The following TG variants were observed in gnomAD, a reference collection of about 807,000 sequenced individuals.
TG encodes the protein thyroid hormones.
In TG, 270 loss-of-function variants were observed where a neutral mutation model predicts 324.7. The ratio of observed to expected loss-of-function variants is 0.83; its 90% CI spans 0.75 to 0.92. TG has a LOEUF of 0.92. Ranked by LOEUF, TG falls within the 40% of genes least tolerant of loss-of-function variation. The pLI, the probability that TG is intolerant of heterozygous loss-of-function variation, is 0.00. For missense variants in TG, 3,591 were observed against 3,456.4 expected (o/e 1.04, Z -0.98); for synonymous variants, 1,401 against 1,327.0 (o/e 1.06, Z -1.21).
chr8:132,880,522 G>C (rs1049432207), intron 5 of TG, among the ~76,000 whole-genome samples: 10 of 152,224 alleles, frequency 6.6e-5, no homozygotes, highest in South Asian at 6.2e-4. Context: ...TATGCAACAC[G>C]CTTACTGTAA....
intron 44 of TG, among the ~76,000 whole-genome samples, chr8:133,115,096 G>A (rs1443247942): frequency 6.6e-6 from 1 of 152,152 alleles, no homozygotes; most frequent in African/African-American, 2.4e-5. Context: ...AGATCACATT[G>A]CAGAGAGAGC....
intron 34 of TG, among the ~76,000 whole-genome samples, chr8:132,980,877 G>T (rs1356818525): frequency 6.6e-6 from 1 of 152,164 alleles, no homozygotes; most frequent in Non-Finnish European, 1.5e-5. Context: ...TGCCAGCACA[G>T]CACTGCATGC....
chr8:132,998,772 A>G (rs180998060), intron 35 of TG, among the ~76,000 whole-genome samples: 3 of 152,354 alleles, frequency 2.0e-5, no homozygotes, highest in East Asian at 3.9e-4. Flanking sequence ...ATGGAGTTCA[A>G]TGCCTTGGCA....
At chr8:132,976,511 G>T (rs992979011) in intron 34 of TG, among the ~76,000 whole-genome samples, 1 of 152,212 alleles carries the variant, frequency 6.6e-6, no homozygotes, top group Admixed American at 6.5e-5. Flanking sequence ...TTGCTGGAAG[G>T]TTCCTATGGG....
chr8:132,909,138 G>A (rs1197242376), intron 18 of TG, among the ~76,000 whole-genome samples: 3 of 152,172 alleles, frequency 2.0e-5, no homozygotes, highest in East Asian at 1.9e-4. Flanking sequence ...AGGATGATGG[G>A]AGTTTTACAG....
chr8:132,954,074 G>A (rs1826501486), intron 27 of TG, among the ~76,000 whole-genome samples: 1 of 152,072 alleles, frequency 6.6e-6, no homozygotes, highest in African/African-American at 2.4e-5. Context: ...GTGATTGTGA[G>A]GCTTTGCCTG....
Position 133,019,708 on chromosome 8 carries a change from G to A in TG, c.6876+13G>A, listed in dbSNP as rs1305249066. The A allele has an allele frequency of 7.5e-6, 12 of 1,607,828 alleles. No individual in the cohort carries two copies. The South Asian group carries it at 1.2e-4, about 16-fold the overall frequency. On this transcript the variant is annotated intron_variant, in intron 39 of 47. Coordinates refer to ENST00000220616, the MANE Select transcript of TG (RefSeq NM_003235.5). ...CCCTCAGAATGTGGTGAGTTCAAAA[G>A]CACTTGCTATGGTTGCCCTGAAGAC...
In TG at chr8:133,133,459, C is replaced by T; in HGVS notation, c.7998-11C>T. ...TCCCTCATGGATATTTCTTTCTTCT[C>T]ATTTGCCCAGAAATCCCAACTACCC... is the stretch of plus-strand genomic sequence containing the variant. On this transcript the variant is annotated splice_polypyrimidine_tract_variant and intron_variant, in intron 46 of 47. Coordinates refer to ENST00000220616, the MANE Select transcript of TG (RefSeq NM_003235.5). 6.2e-7 allele frequency: 1 copy of T among 1,613,718 alleles called. No individual in the cohort carries two copies. Among genetic ancestry groups the T allele is most frequent in the Non-Finnish European group, 8.5e-7 (1 of 1,179,602 alleles).
intron 40 of TG, among the ~76,000 whole-genome samples, chr8:133,028,317 C>T (rs1365427152): frequency 1.3e-5 from 2 of 152,212 alleles, no homozygotes; most frequent in Non-Finnish European, 2.9e-5. Flanking sequence ...AGAAAGTTCA[C>T]AGCGAGGATC....
intron 31 of TG, 45 bp downstream of exon 31, chr8:132,968,015 T>C (rs1384152882): frequency 6.2e-7 from 1 of 1,603,268 alleles, no homozygotes; most frequent in East Asian, 2.2e-5. Flanking sequence ...TCCAATGTTC[T>C]GCTGGCTCTG....
At chr8:133,021,943 A>G in intron 39 of TG, 48 bp from the exon 40 acceptor site, 1 of 1,612,736 alleles carries the variant, frequency 6.2e-7, no homozygotes, top group South Asian at 1.1e-5. Context: ...AAGCATGGGA[A>G]AGGTGCCCTC....
intron 37 of TG, 140 bp downstream of exon 37, chr8:133,013,904 C>A: frequency 1.0e-6 from 1 of 1,001,346 alleles, no homozygotes; most frequent in Non-Finnish European, 1.5e-6. Flanking sequence ...TTGAGGTAGA[C>A]TGAAGGAAGG....
chr8:133,113,791 G>A, intron 44 of TG, 188 bp downstream of exon 44: 2 of 680,196 alleles, frequency 2.9e-6, no homozygotes, highest in Non-Finnish European at 4.9e-6. Context: ...GACATGTAGG[G>A]TGGACCCTGC....
intron 2 of TG, among the ~76,000 whole-genome samples, chr8:132,868,899 G>GA (rs1217790258): frequency 5.3e-5 from 8 of 152,210 alleles, no homozygotes; most frequent in African/African-American, 1.9e-4. Flanking sequence ...CAGTCATGTT[G>GA]AATCAGGGGA....
chr8:132,936,499 G>A (rs1464270776), intron 25 of TG, among the ~76,000 whole-genome samples: 1 of 152,152 alleles, frequency 6.6e-6, no homozygotes, highest in Non-Finnish European at 1.5e-5. Context: ...GCTGGTCCGG[G>A]GACCACACTT....
intron 10 of TG, 129 bp from the exon 11 acceptor site, chr8:132,893,559 ATG>A: frequency 1.8e-6 from 2 of 1,131,084 alleles, no homozygotes; most frequent in Non-Finnish European, 2.5e-6. Context: ...GGTGGTGTGT[ATG>A]TGTGTGGTGT....
intron 29 of TG, among the ~76,000 whole-genome samples, chr8:132,965,999 T>G (rs535343379): frequency 6.6e-6 from 1 of 152,330 alleles, no homozygotes; most frequent in Non-Finnish European, 1.5e-5. Context: ...ATGGTTGAGC[T>G]AAAACTTTCA....
intron 41 of TG, among the ~76,000 whole-genome samples, chr8:133,032,139 T>C (rs1836700270): frequency 6.6e-6 from 1 of 152,182 alleles, no homozygotes; most frequent in Non-Finnish European, 1.5e-5. Flanking sequence ...AATGAGCAGA[T>C]GACTGGGGGA....
chr8:132,900,915 G>A (rs773325845), intron 15 of TG, among the ~76,000 whole-genome samples: 16 of 152,168 alleles, frequency 1.1e-4, no homozygotes, highest in Non-Finnish European at 2.2e-4. Context: ...TTCCACCTGT[G>A]CCTTCACGCG....
Sources: allele counts gnomAD v4.1 joint callset (sites outside exome capture counted in the v4.1 genomes callset), GRCh38; gene constraint gnomAD v4.1.1; transcripts MANE v1.5; gene names NCBI Gene and HGNC (gene_info 2026-07-23, HGNC 2026-07-21).